AGAP1: variants seen among roughly 807,000 people sequenced by gnomAD.
AGAP1 encodes ArfGAP with GTPase domain, ankyrin repeat and PH domain 1.
A neutral mutation model predicts 105.3 loss-of-function variants in AGAP1; 29 were observed. That is an observed-to-expected ratio of 0.28 (90% CI 0.21 to 0.38). AGAP1 has a LOEUF of 0.38. AGAP1 is among the 10% of genes least tolerant of loss of function. The pLI, the probability that AGAP1 is intolerant of heterozygous loss-of-function variation, is 1.00. For synonymous variants in AGAP1, 509 were observed against 485.9 expected (o/e 1.05, Z -0.63); for missense variants, 998 against 1,165.1 (o/e 0.86, Z 2.09).
intron 1 of AGAP1, among the ~76,000 whole-genome samples, chr2:235,590,090 A>C (rs1945277229): frequency 6.6e-6 from 1 of 152,062 alleles, no homozygotes; most frequent in African/African-American, 2.4e-5. Flanking sequence ...CATGTTGAGC[A>C]GGCTGGTCTC....
intron 1 of AGAP1, among the ~76,000 whole-genome samples, chr2:235,658,328 G>T (rs920623479): frequency 6.6e-6 from 1 of 152,216 alleles, no homozygotes; most frequent in African/African-American, 2.4e-5. Context: ...TGACAGACCT[G>T]CGAAAGGTCT....
chr2:235,971,640 G>T lies in AGAP1; in HGVS notation c.1645+3017G>T, dbSNP rs1284016646. Among the ~76,000 whole-genome samples, 51 of 151,642 alleles carry T rather than the reference G, an allele frequency of 3.4e-4. 1 individual carries two copies. The highest frequency in any genetic ancestry group is 3.3e-3 in the Admixed American group (51 of 15,236). On this transcript the variant is annotated intron_variant, in intron 13 of 17. Coordinates refer to ENST00000304032, the MANE Select transcript of AGAP1 (RefSeq NM_001037131.3). The surrounding 1 kb of genome is among the most constrained non-coding windows in gnomAD (Gnocchi z 4.8). ...AGGAGGTGGAGCTTGCAGTGAGCCG[G>T]GATGGCGCCACTGCGCTCCAGCCTG...
At chr2:235,941,591 G>A (rs137927769) in intron 12 of AGAP1, among the ~76,000 whole-genome samples, 2,531 of 152,286 alleles carry the variant, frequency 0.017, 37 homozygotes, top group Non-Finnish European at 0.026. Flanking sequence ...ATGAGTGTGC[G>A]AATTCCTAAG....
intron 6 of AGAP1, among the ~76,000 whole-genome samples, chr2:235,791,910 A>C (rs941611280): frequency 6.6e-6 from 1 of 152,202 alleles, no homozygotes; most frequent in African/African-American, 2.4e-5. Context: ...CCAAAGACAG[A>C]GACAAGACAT....
intron 16 of AGAP1, among the ~76,000 whole-genome samples, chr2:236,052,532 C>A (rs537448471): frequency 6.6e-6 from 1 of 152,302 alleles, no homozygotes; most frequent in South Asian, 2.1e-4. Flanking sequence ...ATCTCTGCCG[C>A]CCTGAGAACT....
In AGAP1 at chr2:235,768,945, T is replaced by C. The variant is rs1955201014; in HGVS notation, c.673+18457T>C. On this transcript the variant is annotated intron_variant, in intron 6 of 17. Coordinates refer to ENST00000304032, the MANE Select transcript of AGAP1 (RefSeq NM_001037131.3). The stretch of plus-strand genomic sequence containing the variant: ...TGCCGAAATACAGTTTGAAAAACCC[T>C]GATCTCAGAAATAGGATTCCTGATG... 2.6e-5 allele frequency among the ~76,000 whole-genome samples: 4 copies of C among 152,210 alleles called. No individual in the cohort carries two copies. In the South Asian group the frequency reaches 8.3e-4, roughly 32 times the overall value.
chr2:235,995,648 T>A (rs1486311196), intron 13 of AGAP1, among the ~76,000 whole-genome samples: 1 of 152,192 alleles, frequency 6.6e-6, no homozygotes, highest in Non-Finnish European at 1.5e-5. Flanking sequence ...CAGGGCAGCT[T>A]GACACTGCGG....
At chr2:235,597,759 T>C (rs35898683) in intron 1 of AGAP1, among the ~76,000 whole-genome samples, 1 of 104,164 alleles carries the variant, frequency 9.6e-6, no homozygotes, top group Non-Finnish European at 1.9e-5. Context: ...CGTGTTTCCT[T>C]TGTGTGGAGC....
chr2:235,756,400 G>A (rs1051323927), intron 6 of AGAP1, among the ~76,000 whole-genome samples: 2 of 152,188 alleles, frequency 1.3e-5, no homozygotes, highest in Non-Finnish European at 2.9e-5. Flanking sequence ...TGTATGGCAT[G>A]TGGGATTTTA....
At chr2:235,688,021 C>A (rs2149430185) in intron 1 of AGAP1, among the ~76,000 whole-genome samples, 1 of 151,448 alleles carries the variant, frequency 6.6e-6, no homozygotes, top group East Asian at 2.0e-4. Flanking sequence ...CCCGCCTCAG[C>A]CTCCAGAGTA....
chr2:235,759,630 G>T (rs1470415374), intron 6 of AGAP1, among the ~76,000 whole-genome samples: 1 of 152,168 alleles, frequency 6.6e-6, no homozygotes, highest in East Asian at 1.9e-4. Flanking sequence ...TGTTGGTGGG[G>T]GCGCACATGT....
intron 6 of AGAP1, among the ~76,000 whole-genome samples, chr2:235,759,893 C>G (rs1954292259): frequency 6.6e-6 from 1 of 151,962 alleles, no homozygotes; most frequent in Non-Finnish European, 1.5e-5. Context: ...GTATAGTAAA[C>G]CATACATTCA....
chr2:235,691,410 G>A lies in AGAP1; in HGVS notation c.164-17769G>A, dbSNP rs561363186. Reference sequence around the variant, plus strand: ...AGGAATTGTTACACGTCTCCGTTGCGAGAAGCAAAAGTAGATTTAACACAT... The same window carrying A: ...AGGAATTGTTACACGTCTCCGTTGCAAGAAGCAAAAGTAGATTTAACACAT... On this transcript the variant is annotated intron_variant, in intron 1 of 17. Coordinates refer to ENST00000304032, the MANE Select transcript of AGAP1 (RefSeq NM_001037131.3). The surrounding 1 kb of genome is among the most constrained non-coding windows in gnomAD (Gnocchi z 4.4). Among the ~76,000 whole-genome samples the A allele has an allele frequency of 6.6e-6, 1 of 152,228 alleles. No homozygotes were observed.
Position 235,729,805 on chromosome 2 carries a change from C to T in AGAP1, c.311-11158C>T, listed in dbSNP as rs568230796. 6.8e-4 allele frequency among the ~76,000 whole-genome samples: 104 copies of T among 152,222 alleles called. 2 individuals carry two copies. Among genetic ancestry groups the T allele is most frequent in the African/African-American group, 2.1e-3 (88 of 41,496 alleles). ...AATACCAAAGATGAGACTACAGCAG[C>T]GACTTGTCACCTCTTCCGTGTTGCT... On this transcript the variant is annotated intron_variant, in intron 3 of 17. Coordinates refer to ENST00000304032, the MANE Select transcript of AGAP1 (RefSeq NM_001037131.3). The surrounding 1 kb of genome is among the most constrained non-coding windows in gnomAD (Gnocchi z 5.0).
At chr2:235,907,987 T>C (rs1331816617) in intron 10 of AGAP1, among the ~76,000 whole-genome samples, 1 of 152,218 alleles carries the variant, frequency 6.6e-6, no homozygotes, top group Non-Finnish European at 1.5e-5. Context: ...TAATGAGTGA[T>C]GATGATGCTG....
In AGAP1 at chr2:236,078,037, TTGTGTGTGTGTG is replaced by T. The variant is rs9287595; in HGVS notation, c.2114+28782_2114+28793del. Among the ~76,000 whole-genome samples the T allele has an allele frequency of 6.4e-5, 9 of 140,414 alleles. No homozygotes were observed. The highest frequency in any genetic ancestry group is 2.1e-4 in the East Asian group (1 of 4,686). The allele number at this position is 140,414 out of a possible 152,430, so 92.1% of individuals were successfully genotyped here. ...AGGGTTCTCCAGAGAAACAACCAAT[TTGTGTGTGTGTG>T]TGTGTGTGTGTGTGTGTGTGTGTGT... On this transcript the variant is annotated intron_variant, in intron 16 of 17. Transcript: ENST00000304032. The surrounding 1 kb of genome is among the most constrained non-coding windows in gnomAD (Gnocchi z 5.3).
chr2:235,804,681 G>A (rs951340219), intron 8 of AGAP1, among the ~76,000 whole-genome samples: 6 of 152,252 alleles, frequency 3.9e-5, no homozygotes, highest in African/African-American at 1.4e-4. Flanking sequence ...AAAGAAGCAG[G>A]TGATAATTGG....
rs1157028532 is a variant in AGAP1 at position 235,866,026 on chromosome 2, G to A, written c.1051-17319G>A. Reference sequence around the variant, plus strand: ...GATCCATGTATGTCTGTGTATCTGCGGTCTGGTCATTTTTGCCACACTTGA... The same window carrying A: ...GATCCATGTATGTCTGTGTATCTGCAGTCTGGTCATTTTTGCCACACTTGA... On this transcript the variant is annotated intron_variant, in intron 9 of 17. Coordinates refer to ENST00000304032, the MANE Select transcript of AGAP1 (RefSeq NM_001037131.3). The surrounding 1 kb of genome is among the most constrained non-coding windows in gnomAD (Gnocchi z 6.1). Among the ~76,000 whole-genome samples, 3 of 152,092 alleles carry A rather than the reference G, an allele frequency of 2.0e-5. No individual in the cohort carries two copies. Among genetic ancestry groups the A allele is most frequent in the Non-Finnish European group, 4.4e-5 (3 of 68,014 alleles).
chr2:236,053,580 C>T lies in AGAP1; in HGVS notation c.2114+4299C>T, dbSNP rs367991181. On this transcript the variant is annotated intron_variant, in intron 16 of 17. Coordinates refer to ENST00000304032, the MANE Select transcript of AGAP1 (RefSeq NM_001037131.3). The surrounding 1 kb of genome is among the most constrained non-coding windows in gnomAD (Gnocchi z 4.6). ...AGCAGGACGGAGCAGAGCCCTCTGG[C>T]GCCACATTCCTCTTGGCAGAAGCCT... Among the ~76,000 whole-genome samples the T allele has an allele frequency of 6.6e-6, 1 of 152,262 alleles. No homozygotes were observed. Among genetic ancestry groups the T allele is most frequent in the Admixed American group, 6.5e-5 (1 of 15,290 alleles).
Sources: allele counts gnomAD v4.1 joint callset (sites outside exome capture counted in the v4.1 genomes callset), GRCh38; gene constraint gnomAD v4.1.1; non-coding constraint Gnocchi (gnomAD v3.1); transcripts MANE v1.5; gene names NCBI Gene and HGNC (gene_info 2026-07-23, HGNC 2026-07-21).